MCEE: variants seen among roughly 807,000 people sequenced by gnomAD.
MCEE encodes methylmalonyl-CoA epimerase, mitochondrial.
Under a neutral mutation model 12.9 loss-of-function variants are expected in MCEE, and 6 were observed. The ratio of observed to expected loss-of-function variants is 0.47; its 90% CI spans 0.26 to 0.92. The LOEUF (loss-of-function observed/expected upper bound fraction) is 0.92. Among genes scored for constraint, MCEE ranks in the 40% least tolerant of loss-of-function variants. MCEE has a pLI of 0.16. For missense variants in MCEE, 214 were observed against 212.1 expected, an observed-to-expected ratio of 1.01 and a Z score of -0.05; for synonymous variants, 78 against 77.9, an observed-to-expected ratio of 1.00 and a Z score of -0.01.
chr2:71,127,626 A>G (rs1382509230), intron 1 of MCEE, among the ~76,000 whole-genome samples: 1 of 148,806 alleles, frequency 6.7e-6, no homozygotes, highest in East Asian at 2.0e-4. Flanking sequence ...AGAACACGTA[A>G]TAAGTTTGTT....
Position 71,120,287 on chromosome 2 carries a change from G to A in MCEE, c.378+3919C>T, listed in dbSNP as rs939887075. The stretch of plus-strand genomic sequence containing the variant: ...TGGCTAAGTTCTCCAGAGAAAGCAC[G>A]GCCAGCTTTGTCTCCTCAAGCAGAG... On this transcript the variant is annotated intron_variant, in intron 2 of 2. Transcript: ENST00000244217. 4.7e-5 allele frequency among the ~76,000 whole-genome samples: 7 copies of A among 149,942 alleles called. 1 individual carries two copies. The highest frequency in any genetic ancestry group is 2.1e-4 in the South Asian group (1 of 4,794).
intron 2 of MCEE, among the ~76,000 whole-genome samples, chr2:71,122,130 T>C (rs1435882459): frequency 6.6e-6 from 1 of 152,198 alleles, no homozygotes; most frequent in Non-Finnish European, 1.5e-5. Flanking sequence ...CACTAAATGT[T>C]AGTTCTTTTT....
intron 1 of MCEE, among the ~76,000 whole-genome samples, chr2:71,125,272 G>A (rs1317954511): frequency 2.7e-4 from 39 of 142,288 alleles, no homozygotes; most frequent in African/African-American, 9.3e-4. Context: ...GAAGTGGCGC[G>A]ATCTGGGCTC....
intron 2 of MCEE, among the ~76,000 whole-genome samples, chr2:71,118,769 A>G (rs1418318867): frequency 6.7e-6 from 1 of 150,054 alleles, no homozygotes; most frequent in Non-Finnish European, 1.5e-5. Context: ...ATTTCGACAT[A>G]TGAATTTTGA....
At chr2:71,126,403 T>G (rs1354683836) in intron 1 of MCEE, among the ~76,000 whole-genome samples, 1 of 151,792 alleles carries the variant, frequency 6.6e-6, no homozygotes, top group Non-Finnish European at 1.5e-5. Context: ...AATTTTTGTA[T>G]TTTTAGTAGA....
At chr2:71,115,979 G>C (rs1041425229) in intron 2 of MCEE, among the ~76,000 whole-genome samples, 9 of 149,656 alleles carry the variant, frequency 6.0e-5, no homozygotes. Flanking sequence ...AAAGGGGGGG[G>C]TTATGGTTTT....
At chr2:71,114,874 T>C (rs1672959609) in intron 2 of MCEE, among the ~76,000 whole-genome samples, 3 of 152,098 alleles carry the variant, frequency 2.0e-5, no homozygotes, top group Non-Finnish European at 4.4e-5. Flanking sequence ...ACTGACATGA[T>C]TTTTTTTCTA....
chr2:71,124,573 TCTTTTG>T, intron 1 of MCEE, 30 bp from the exon 2 acceptor site: 1 of 1,544,802 alleles, frequency 6.5e-7, no homozygotes, highest in Non-Finnish European at 8.9e-7. Context: ...TTGATATCCT[TCTTTTG>T]AGAATTAACG....
At chr2:71,125,459 G>C (rs1233019343) in intron 1 of MCEE, among the ~76,000 whole-genome samples, 1 of 151,250 alleles carries the variant, frequency 6.6e-6, no homozygotes, top group Non-Finnish European at 1.5e-5. Flanking sequence ...CACCCACCTC[G>C]GCCTCCCAAA....
intron 2 of MCEE, among the ~76,000 whole-genome samples, chr2:71,112,705 G>C (rs1249810040): frequency 6.6e-6 from 1 of 152,164 alleles, no homozygotes; most frequent in Non-Finnish European, 1.5e-5. Flanking sequence ...CACAATGCTG[G>C]GATTACAGGC....
At chr2:71,120,073 G>C (rs149931776) in intron 2 of MCEE, among the ~76,000 whole-genome samples, 2 of 150,056 alleles carry the variant, frequency 1.3e-5, no homozygotes, top group East Asian at 3.9e-4. Flanking sequence ...AAATTGTAGA[G>C]GGAGAAGGGT....
chr2:71,115,736 T>C (rs1672977425), intron 2 of MCEE, among the ~76,000 whole-genome samples: 1 of 146,432 alleles, frequency 6.8e-6, no homozygotes, highest in Non-Finnish European at 1.5e-5. Flanking sequence ...AAACACTGCA[T>C]GTTCTCACTC....
Position 71,124,429 on chromosome 2 carries a change from G to T in MCEE, c.155C>A (p.Ala52Asp). Residue 52 changes from alanine (A) to aspartate (D), a missense_variant, in exon 2 of 3, where the codon GCC becomes GAC. Ala to Asp is a moderately radical substitution (Grantham distance 126). Coordinates refer to ENST00000244217, the MANE Select transcript of MCEE (RefSeq NM_032601.4). The stretch of plus-strand genomic sequence containing the variant: ...CTTTTCCAAATCTGGCACTGCTATG[G>T]CTACATGGTTGAGTCGACCCAGGTT... ...VWNLGRLNHV[A>D]IAVPDLEKAA... is the part of the protein sequence containing the mutation. 2 of 1,614,094 alleles carry T rather than the reference G, an allele frequency of 1.2e-6. No homozygotes were observed. Among genetic ancestry groups the T allele is most frequent in the Non-Finnish European group, 1.7e-6 (2 of 1,179,996 alleles).
chr2:71,126,568 C>CAAAAA (rs70959207), intron 1 of MCEE, among the ~76,000 whole-genome samples: 12 of 72,148 alleles, frequency 1.7e-4, no homozygotes, highest in Non-Finnish European at 2.5e-4. Context: ...TACATTTTAC[C>CAAAAA]AAAAAAAAAA....
chr2:71,120,803 T>A (rs1323293689), intron 2 of MCEE, among the ~76,000 whole-genome samples: 3 of 151,888 alleles, frequency 2.0e-5, no homozygotes, highest in Non-Finnish European at 4.4e-5. Flanking sequence ...AGTGGCATGA[T>A]CTTGGCTCAC....
chr2:71,111,118 G>A (rs919551986), intron 2 of MCEE, among the ~76,000 whole-genome samples: 2 of 152,092 alleles, frequency 1.3e-5, no homozygotes, highest in Non-Finnish European at 2.9e-5. Flanking sequence ...ACATAAATAA[G>A]CTATGATTTC....
At chr2:71,116,446 T>C (rs1316072207) in intron 2 of MCEE, among the ~76,000 whole-genome samples, 1 of 150,122 alleles carries the variant, frequency 6.7e-6, no homozygotes, top group African/African-American at 2.5e-5. Context: ...GGTATTTATC[T>C]GTATCTGAGA....
At chr2:71,127,258 A>G (rs1043674671) in intron 1 of MCEE, among the ~76,000 whole-genome samples, 1 of 152,206 alleles carries the variant, frequency 6.6e-6, no homozygotes. Flanking sequence ...ATTCTCGTTA[A>G]TCACTTTTAG....
intron 1 of MCEE, 100 bp downstream of exon 1, chr2:71,130,080 A>T: frequency 8.3e-7 from 1 of 1,208,166 alleles, no homozygotes; most frequent in Non-Finnish European, 1.2e-6. Flanking sequence ...GGAGGACATT[A>T]GATCAAGGTG....
Sources: allele counts gnomAD v4.1 joint callset (sites outside exome capture counted in the v4.1 genomes callset), GRCh38; gene constraint gnomAD v4.1.1; transcripts MANE v1.5; gene names NCBI Gene and HGNC (gene_info 2026-07-23, HGNC 2026-07-21).